The following ZNF439 variants were observed in gnomAD, a reference collection of about 807,000 sequenced individuals.
The protein encoded by ZNF439 is zinc finger protein 439.
Under a neutral mutation model 47.3 loss-of-function variants are expected in ZNF439, and 40 were observed. The observed-to-expected ratio is 0.85, with a 90% confidence interval of 0.66 to 1.10. The LOEUF (loss-of-function observed/expected upper bound fraction) is 1.10, where lower values mean the gene tolerates loss of function less well. Among genes scored for constraint, ZNF439 ranks in the 50% least tolerant of loss-of-function variants. ZNF439 has a pLI of 0.00. For missense variants in ZNF439, 556 were observed against 601.1 expected (o/e 0.93, Z 0.78); for synonymous variants, 171 against 198.8 (o/e 0.86, Z 1.18).
rs556304498 is a variant in ZNF439 at position 11,866,474 on chromosome 19, G to A, written c.191-63G>A. 1.4e-4 allele frequency: 222 copies of A among 1,604,286 alleles called. 1 individual carries two copies. The African/African-American group carries it at 2.7e-3, about 19-fold the overall frequency. The stretch of plus-strand genomic sequence containing the variant: ...TGGCTGCTGTAAATCATGGGCATAG[G>A]TCTAATAATTTTTTCACAATTTTAT... On this transcript the variant is annotated intron_variant, in intron 2 of 3. Transcript: ENST00000682736.
intron 3 of ZNF439, among the ~76,000 whole-genome samples, chr19:11,866,987 A>T (rs753278272): frequency 6.6e-6 from 1 of 152,230 alleles, no homozygotes; most frequent in Admixed American, 6.5e-5. Context: ...GTGGTAAGCT[A>T]TGATGATACC....
rs2145185719 is a variant in ZNF439 at position 11,867,318 on chromosome 19, A to C, written c.264A>C (p.Glu88Asp). The C allele has an allele frequency of 6.2e-7, 1 of 1,611,298 alleles. No homozygotes were observed. The highest frequency in any genetic ancestry group is 1.1e-5 in the South Asian group (1 of 90,306). ...NPRRNFRSVTEEKVNEIKEDS... is the reference protein window; with the variant it reads ...NPRRNFRSVTDEKVNEIKEDS... ...TCATTTTTGACAGGAGTGTCACAGAAGAGAAAGTCAATGAAATTAAAGAAG... is the reference window on the plus strand; with the variant it reads ...TCATTTTTGACAGGAGTGTCACAGACGAGAAAGTCAATGAAATTAAAGAAG... Residue 88 changes from glutamate (E) to aspartate (D), a missense_variant, in exon 4 of 4, where the codon GAA (glutamate) becomes GAC (aspartate). Coordinates refer to ENST00000682736, the MANE Select transcript of ZNF439 (RefSeq NM_001348719.2).
intron 1 of ZNF439, among the ~76,000 whole-genome samples, chr19:11,863,533 C>G (rs1051118182): frequency 6.6e-6 from 1 of 152,082 alleles, no homozygotes; most frequent in Non-Finnish European, 1.5e-5. Context: ...GGTACCAGTC[C>G]TTGATCAGAT....
Position 11,868,628 on chromosome 19 carries a change from A to G in ZNF439, c.*59A>G. 2 of 1,540,522 alleles carry G rather than the reference A, an allele frequency of 1.3e-6. No individual in the cohort carries two copies. The highest frequency in any genetic ancestry group is 2.4e-5 in the South Asian group (2 of 83,484). ...CAAGTTATTTCAAACACATGAAAAA[A>G]TTCACACTGGAGAGAAACCCTATAA... is the stretch of plus-strand genomic sequence containing the variant. On this transcript the variant is annotated 3_prime_UTR_variant, in exon 4 of 4. Transcript: ENST00000682736.
intron 3 of ZNF439, 48 bp downstream of exon 3, chr19:11,866,645 G>A: frequency 1.3e-6 from 2 of 1,560,016 alleles, no homozygotes; most frequent in African/African-American, 1.4e-5. Flanking sequence ...CACGATCTTA[G>A]AATATGAGAC....
intron 1 of ZNF439, among the ~76,000 whole-genome samples, chr19:11,863,152 CTTTTTT>C (rs34655587): frequency 3.3e-5 from 3 of 90,058 alleles, no homozygotes; most frequent in African/African-American, 8.4e-5. Context: ...AAAGATTTTG[CTTTTTT>C]TTTTTTTTTT....
chr19:11,849,100 G>C, intron 1 of ZNF439, 170 bp downstream of exon 1: 4 of 1,204,560 alleles, frequency 3.3e-6, no homozygotes, highest in Non-Finnish European at 4.2e-6. Context: ...CCGGGACTCC[G>C]GGCGTCCTGT....
intron 1 of ZNF439, among the ~76,000 whole-genome samples, chr19:11,852,145 GC>G (rs1340606264): frequency 2.0e-5 from 3 of 152,160 alleles, no homozygotes; most frequent in African/African-American, 7.2e-5. Context: ...GTGAAGAGGG[GC>G]CCAGTGGGAT....
intron 1 of ZNF439, chr19:11,849,382 T>C (rs921728473): frequency 1.5e-5 from 12 of 804,304 alleles, no homozygotes; most frequent in African/African-American, 1.9e-5. Context: ...TCCTGGCTTG[T>C]GGTTTGTCAA....
At position 11,848,891 on chromosome 19, in the gene ZNF439, C is replaced by G; in HGVS notation, c.24C>G (p.Ser8Arg). The G allele has an allele frequency of 6.4e-7, 1 of 1,574,530 alleles. No homozygotes were observed. The highest frequency in any genetic ancestry group is 1.1e-5 in the South Asian group (1 of 90,616). The change falls in exon 1 of 4, where the codon AGC becomes AGG. Residue 8 changes from serine to arginine, a missense_variant. Transcript: ENST00000682736. MPCFTHR[S>R]CREDPGTSES... is the part of the protein sequence containing the mutation. The stretch of plus-strand genomic sequence containing the variant: ...CTATGCCCTGCTTTACTCACAGGAG[C>G]TGTAGAGAGGACCCCGGTACATCTG...
At chr19:11,860,541 C>A (rs1268202491) in intron 1 of ZNF439, among the ~76,000 whole-genome samples, 1 of 152,086 alleles carries the variant, frequency 6.6e-6, no homozygotes, top group East Asian at 1.9e-4. Context: ...ATCCTCAAGT[C>A]CCTGTTCACG....
chr19:11,868,456 G>T lies in ZNF439; in HGVS notation c.1402G>T (p.Glu468Ter). ...LRIHRRIHTG[E>*]KPYECKKCGK... is the part of the protein sequence containing the mutation. ...AATCCATCGTAGGATTCACACTGGAGAGAAACCCTATGAATGTAAGAAATG... is the reference window on the plus strand; with the variant it reads ...AATCCATCGTAGGATTCACACTGGATAGAAACCCTATGAATGTAAGAAATG... The change falls in exon 4 of 4, where the codon GAG (glutamate) becomes TAG (stop). Residue 468 changes from glutamate to a stop codon, truncating the protein, a stop_gained. Transcript: ENST00000682736. LOFTEE classifies it high-confidence loss of function. The T allele has an allele frequency of 6.2e-7, 1 of 1,613,890 alleles. No individual in the cohort carries two copies. Among genetic ancestry groups the T allele is most frequent in the Non-Finnish European group, 8.5e-7 (1 of 1,179,946 alleles).
chr19:11,855,858 G>A (rs542492415), intron 1 of ZNF439, among the ~76,000 whole-genome samples: 8 of 152,260 alleles, frequency 5.3e-5, no homozygotes, highest in South Asian at 2.1e-4. Flanking sequence ...GGTTGATGTC[G>A]TTGTGACTCC....
At chr19:11,865,555 A>C (rs1367152826) in intron 1 of ZNF439, among the ~76,000 whole-genome samples, 1 of 150,706 alleles carries the variant, frequency 6.6e-6, no homozygotes. Flanking sequence ...ACACTTTGGG[A>C]ACAGGCATTT....
chr19:11,851,304 T>G (rs1305633285), intron 1 of ZNF439, among the ~76,000 whole-genome samples: 1 of 152,212 alleles, frequency 6.6e-6, no homozygotes, highest in East Asian at 1.9e-4. Context: ...ACTCTGTTGA[T>G]TTAAAGAAAA....
chr19:11,853,126 C>T lies in ZNF439; in HGVS notation c.63+4196C>T, dbSNP rs10416916. On this transcript the variant is annotated intron_variant, in intron 1 of 3. Transcript: ENST00000682736. ...TGTATTTTTAGTAGAGACTTGGTTT[C>T]ACCATGTTGGCCAGGCTGGTCTCGA... Among the ~76,000 whole-genome samples the T allele has an allele frequency of 7.4e-3, 1,111 of 150,218 alleles. 6 individuals are homozygous for T. The highest frequency in any genetic ancestry group is 0.026 in the African/African-American group (1,067 of 40,822).
chr19:11,862,418 T>C (rs1283178715), intron 1 of ZNF439, among the ~76,000 whole-genome samples: 1 of 135,546 alleles, frequency 7.4e-6, no homozygotes, highest in East Asian at 2.0e-4. Flanking sequence ...AACTCCTCTA[T>C]TTTTTTTTTT....
chr19:11,849,644 G>A (rs1490805885), intron 1 of ZNF439: 1 of 152,470 alleles, frequency 6.6e-6, no homozygotes, highest in East Asian at 1.9e-4. Flanking sequence ...ACAGGTGGTT[G>A]AGGGATTCTG....
intron 1 of ZNF439, among the ~76,000 whole-genome samples, chr19:11,862,036 T>C (rs1976554352): frequency 6.6e-6 from 1 of 152,098 alleles, no homozygotes; most frequent in African/African-American, 2.4e-5. Flanking sequence ...GCATTGAAGG[T>C]CTCGCAATAA....
Sources: allele counts gnomAD v4.1 joint callset (sites outside exome capture counted in the v4.1 genomes callset), GRCh38; gene constraint gnomAD v4.1.1; transcripts MANE v1.5; gene names NCBI Gene and HGNC (gene_info 2026-07-23, HGNC 2026-07-21).